The following ZMIZ2 variants were observed in gnomAD, a reference collection of about 807,000 sequenced individuals.
ZMIZ2 encodes zinc finger MIZ-type containing 2.
In ZMIZ2, 26 loss-of-function variants were observed where a neutral mutation model predicts 93.9. The observed-to-expected ratio is 0.28, with a 90% CI of 0.20 to 0.38. The LOEUF (loss-of-function observed/expected upper bound fraction) is 0.38, where lower values mean the gene tolerates loss of function less well. ZMIZ2 is among the 10% of genes least tolerant of loss of function. The pLI is 1.00. For synonymous variants in ZMIZ2, 485 were observed against 516.4 expected, an observed-to-expected ratio of 0.94 and a Z score of 0.82; for missense variants, 1,023 against 1,235.0, an observed-to-expected ratio of 0.83 and a Z score of 2.57.
intron 18 of ZMIZ2, 132 bp from the exon 19 acceptor site, chr7:44,767,384 C>T: frequency 1.2e-6 from 1 of 804,292 alleles, no homozygotes; most frequent in Non-Finnish European, 2.1e-6. Flanking sequence ...CGCACCCGGC[C>T]TGTGTGTGAG....
chr7:44,753,277 CTCTGTCATCCAGGCTAGAGT>C (rs1562721673), intron 1 of ZMIZ2, among the ~76,000 whole-genome samples: 1 of 150,570 alleles, frequency 6.6e-6, no homozygotes, highest in African/African-American at 2.4e-5. Context: ...TCATGGTTCA[CTCTGTCATCCAGGCTAGAGT>C]ACAGTGGCAT....
In ZMIZ2 at chr7:44,755,562, G is replaced by A. The variant is rs536769716; in HGVS notation, c.-62-626G>A. 5.3e-5 allele frequency among the ~76,000 whole-genome samples: 8 copies of A among 152,264 alleles called. No homozygotes were observed. The South Asian group carries it at 1.7e-3, about 32-fold the overall frequency. On this transcript the variant is annotated intron_variant, in intron 1 of 18. Transcript: ENST00000309315. ...CTGGCCCCACACCCCATTTCAGGAG[G>A]TATCCTGCATGTCCCTCCCCAAGGC... is the stretch of plus-strand genomic sequence containing the variant.
Position 44,759,363 on chromosome 7 carries a change from C to A in ZMIZ2, c.896C>A (p.Pro299His), listed in dbSNP as rs1790935058. 4 of 1,605,674 alleles carry A rather than the reference C, an allele frequency of 2.5e-6. No homozygotes were observed. The highest frequency in any genetic ancestry group is 3.4e-6 in the Non-Finnish European group (4 of 1,176,338). Residue 299 changes from proline (P) to histidine (H), a missense_variant, in exon 7 of 19, where the codon CCT becomes CAT. Coordinates refer to ENST00000309315, the MANE Select transcript of ZMIZ2 (RefSeq NM_031449.4). ...AQFAPSPGQP[P>H]APSPSYPGHR... ...TTTGCGCCCAGCCCTGGGCAGCCCC[C>A]TGCCCCCTCCCCTTCCTACCCTGGG...
chr7:44,753,401 C>T (rs916260558), intron 1 of ZMIZ2, among the ~76,000 whole-genome samples: 3 of 152,072 alleles, frequency 2.0e-5, no homozygotes, highest in East Asian at 1.9e-4. Flanking sequence ...CATGCCACCA[C>T]GCCCAGCTAA....
Position 44,765,399 on chromosome 7 carries a change from G to T in ZMIZ2, c.2062G>T (p.Asp688Tyr). ...CSWKPVPVKP[D>Y]MHIKEEPDGP... The stretch of plus-strand genomic sequence containing the variant: ...CTGGAAGCCAGTGCCCGTGAAGCCT[G>T]ACATGCACATCAAGGAGGAGCCGGA... Residue 688 changes from aspartate to tyrosine, a missense_variant, in exon 16 of 19, where the codon GAC becomes TAC. Physicochemically the swap from Asp to Tyr is radical, Grantham distance 160. Coordinates refer to ENST00000309315, the MANE Select transcript of ZMIZ2 (RefSeq NM_031449.4). The surrounding 1 kb of genome is among the most constrained non-coding windows in gnomAD (Gnocchi z 4.1). The T allele has an allele frequency of 6.2e-7, 1 of 1,613,022 alleles. No individual in the cohort carries two copies. Among genetic ancestry groups the T allele is most frequent in the African/African-American group, 1.3e-5 (1 of 75,030 alleles).
In ZMIZ2 at chr7:44,767,447, G is replaced by A. The variant is rs554756898; in HGVS notation, c.2656-69G>A. On this transcript the variant is annotated intron_variant, in intron 18 of 18. Coordinates refer to ENST00000309315, the MANE Select transcript of ZMIZ2 (RefSeq NM_031449.4). ...CCTGGAGACAGGGCCGGGATGTGGTGACAGGATGGTCACTCAGGTGTGGCC... is the reference window on the plus strand; with the variant it reads ...CCTGGAGACAGGGCCGGGATGTGGTAACAGGATGGTCACTCAGGTGTGGCC... 5.4e-6 allele frequency: 7 copies of A among 1,300,284 alleles called. No homozygotes were observed. The African/African-American group carries it at 5.8e-5, about 11-fold the overall frequency. The allele number at this position is 1,300,284 out of a possible 1,614,324, so 80.5% of individuals were successfully genotyped here.
chr7:44,769,397 G>A lies in ZMIZ2; in HGVS notation c.*1774G>A, dbSNP rs536687620. The A allele has an allele frequency of 6.5e-6, 1 of 152,924 alleles. No individual in the cohort carries two copies. The highest frequency in any genetic ancestry group is 2.1e-4 in the South Asian group (1 of 4,828). The allele number at this position is 152,924 out of a possible 1,614,324, so 9.5% of individuals were successfully genotyped here. ...TATCTGGTGTGAGCGTTGCCCCTGC[G>A]ACATTTGGGACCACACAGGTGGGCT... On this transcript the variant is annotated 3_prime_UTR_variant, in exon 19 of 19. Coordinates refer to ENST00000309315, the MANE Select transcript of ZMIZ2 (RefSeq NM_031449.4).
At position 44,763,696 on chromosome 7, in the gene ZMIZ2, G is replaced by T; in HGVS notation, c.1860+283G>T. 1 of 436,982 alleles carries T rather than the reference G, an allele frequency of 2.3e-6. No homozygotes were observed. The highest frequency in any genetic ancestry group is 4.3e-5 in the East Asian group (1 of 23,514). 27.1% of individuals were successfully genotyped at this position (436,982 alleles called of 1,614,324 possible). On this transcript the variant is annotated intron_variant, in intron 13 of 18. Coordinates refer to ENST00000309315, the MANE Select transcript of ZMIZ2 (RefSeq NM_031449.4). This position sits in a 1 kb window ranked among gnomAD's most constrained non-coding sequence, Gnocchi z 5.6. ...TAAGATTGCAGGGTCCAGTCTTCCT[G>T]CCCTACCCCCAAGGGTGACCATCGT...
chr7:44,751,139 G>C (rs1790108740), intron 1 of ZMIZ2: 1 of 152,256 alleles, frequency 6.6e-6, no homozygotes, highest in African/African-American at 2.4e-5. Context: ...GTCCACAGCA[G>C]AGAACCATCA....
At chr7:44,757,210 G>C in intron 4 of ZMIZ2, 61 bp downstream of exon 4, 1 of 1,535,454 alleles carries the variant, frequency 6.5e-7, no homozygotes, top group Non-Finnish European at 8.7e-7. Flanking sequence ...AGGCACCTCA[G>C]AACTGTGGCG....
chr7:44,762,767 T>G, intron 11 of ZMIZ2, 114 bp from the exon 12 acceptor site: 28 of 448,246 alleles, frequency 6.2e-5, no homozygotes, highest in East Asian at 1.9e-4. Flanking sequence ...GCCCTCAGCC[T>G]TGTCCCTCCC....
chr7:44,756,418 C>T lies in ZMIZ2; in HGVS notation c.51-7C>T, dbSNP rs754491963. 9.9e-6 allele frequency: 16 copies of T among 1,613,918 alleles called. No individual in the cohort carries two copies. Among genetic ancestry groups the T allele is most frequent in the Non-Finnish European group, 7.6e-6 (9 of 1,180,024 alleles). On this transcript the variant is annotated splice_polypyrimidine_tract_variant and splice_region_variant and intron_variant, in intron 2 of 18. Transcript: ENST00000309315. ...GACCCAGGCCTCAGCAGCCTCTTTCCCTGCAGTGATGGTTCATTCGCATAT... is the reference window on the plus strand; with the variant it reads ...GACCCAGGCCTCAGCAGCCTCTTTCTCTGCAGTGATGGTTCATTCGCATAT...
chr7:44,766,153 T>TC lies in ZMIZ2; in HGVS notation c.2243-9dup. On this transcript the variant is annotated splice_polypyrimidine_tract_variant and intron_variant, in intron 16 of 18. Coordinates refer to ENST00000309315, the MANE Select transcript of ZMIZ2 (RefSeq NM_031449.4). The surrounding 1 kb of genome is among the most constrained non-coding windows in gnomAD (Gnocchi z 4.4). Reference sequence around the variant, plus strand: ...CCAGCCCTCACCCAGGCCCCGACTCTCCTCTCACAGGTTCCAGCTTCCTGG... The same window carrying TC: ...CCAGCCCTCACCCAGGCCCCGACTCTCCCTCTCACAGGTTCCAGCTTCCTGG... The TC allele has an allele frequency of 6.2e-7, 1 of 1,608,338 alleles. No homozygotes were observed. The highest frequency in any genetic ancestry group is 8.5e-7 in the Non-Finnish European group (1 of 1,178,036).
chr7:44,767,910 T>A lies in ZMIZ2; in HGVS notation c.*287T>A. The stretch of plus-strand genomic sequence containing the variant: ...CCCTGCCCAGCCCTGTCCAGCCTTG[T>A]CCACACACACATCTCACGCCCCTGG... On this transcript the variant is annotated 3_prime_UTR_variant, in exon 19 of 19. Coordinates refer to ENST00000309315, the MANE Select transcript of ZMIZ2 (RefSeq NM_031449.4). The A allele has an allele frequency of 2.0e-6, 1 of 501,592 alleles. No homozygotes were observed. Among genetic ancestry groups the A allele is most frequent in the Non-Finnish European group, 3.7e-6 (1 of 273,456 alleles). 31.1% of individuals were successfully genotyped at this position (501,592 alleles called of 1,614,324 possible).
Position 44,764,495 on chromosome 7 carries a change from C to T in ZMIZ2, c.1928+9C>T. The T allele has an allele frequency of 6.2e-7, 1 of 1,614,022 alleles. No homozygotes were observed. The highest frequency in any genetic ancestry group is 8.5e-7 in the Non-Finnish European group (1 of 1,179,944). On this transcript the variant is annotated intron_variant, in intron 14 of 18. Transcript: ENST00000309315. Reference sequence around the variant, plus strand: ...AGGTGTCCTGTGTGCAAGTGAGTCTCAGATGCAGCGTGTGATGGAGGAGGG... The same window carrying T: ...AGGTGTCCTGTGTGCAAGTGAGTCTTAGATGCAGCGTGTGATGGAGGAGGG...
In ZMIZ2 at chr7:44,766,445, C is replaced by T. The variant is rs773513282; in HGVS notation, c.2437C>T (p.Pro813Ser). Reference protein sequence around the residue: ...SQMAPAGHLDPTHNPGTPGLH... With the variant: ...SQMAPAGHLDSTHNPGTPGLH... ...GATGGCACCAGCAGGTCACCTGGAC[C>T]CCACTCACAATCCTGGGACACCAGG... is the stretch of plus-strand genomic sequence containing the variant. The change falls in exon 18 of 19, where the codon CCC becomes TCC. Residue 813 changes from proline (P) to serine (S), a missense_variant. Transcript: ENST00000309315. This position sits in a 1 kb window ranked among gnomAD's most constrained non-coding sequence, Gnocchi z 4.4. 1.2e-5 allele frequency: 19 copies of T among 1,614,030 alleles called. No homozygotes were observed. Among genetic ancestry groups the T allele is most frequent in the Middle Eastern group, 1.6e-4 (1 of 6,084 alleles).
chr7:44,766,620 C>T lies in ZMIZ2; in HGVS notation c.2612C>T (p.Pro871Leu), dbSNP rs1448020358. 6.2e-7 allele frequency: 1 copy of T among 1,613,360 alleles called. No homozygotes were observed. Residue 871 changes from proline (P) to leucine (L), a missense_variant, in exon 18 of 19, where the codon CCC (proline) becomes CTC (leucine). Pro to Leu is a moderately conservative substitution (Grantham distance 98). Around this residue, in one of 3 missense-constraint regions of ZMIZ2, gnomAD observed 319 missense variants for 358.8 expected, o/e 0.89. Transcript: ENST00000309315. This position sits in a 1 kb window ranked among gnomAD's most constrained non-coding sequence, Gnocchi z 4.4. Reference protein sequence around the residue: ...FSPATGVMGPPSMSGAGEAPE... With the variant: ...FSPATGVMGPLSMSGAGEAPE... ...CCTGCCACAGGCGTGATGGGGCCCCCCAGCATGTCTGGAGCCGGGGAGGCC... is the reference window on the plus strand; with the variant it reads ...CCTGCCACAGGCGTGATGGGGCCCCTCAGCATGTCTGGAGCCGGGGAGGCC...
chr7:44,749,284 T>C (rs1789922455), intron 1 of ZMIZ2, among the ~76,000 whole-genome samples: 1 of 152,124 alleles, frequency 6.6e-6, no homozygotes, highest in South Asian at 2.1e-4. Context: ...TGAGTCTTTG[T>C]TGGAGGCTGG....
In ZMIZ2 at chr7:44,764,440, C is replaced by G. The variant is rs774615819; in HGVS notation, c.1882C>G (p.Leu628Val). The change falls in exon 14 of 19, where the codon CTG becomes GTG. Residue 628 changes from leucine to valine, a missense_variant. Physicochemically the swap from Leu to Val is conservative, Grantham distance 32. This residue lies in a region of ZMIZ2 where 48 missense variants were observed against 99.1 expected (regional missense o/e 0.48). Coordinates refer to ENST00000309315, the MANE Select transcript of ZMIZ2 (RefSeq NM_031449.4). ...ACAGTGCTTTGACCTGGAGTCGTAC[C>G]TGCAGCTCAACTGTGAGCGGGGGAC... is the stretch of plus-strand genomic sequence containing the variant. ...HIQCFDLESY[L>V]QLNCERGTWR... 1.9e-6 allele frequency: 3 copies of G among 1,614,184 alleles called. No individual in the cohort carries two copies. In the Admixed American group the frequency reaches 5.0e-5, roughly 27 times the overall value.
Sources: gnomAD v4.1 joint callset for allele counts (sites outside exome capture counted in the v4.1 genomes callset) on GRCh38, gnomAD v4.1.1 for gene constraint, gnomAD v4.1.1 regional missense constraint, Gnocchi (gnomAD v3.1) non-coding constraint, MANE v1.5 for transcripts, NCBI Gene and HGNC (gene_info 2026-07-23, HGNC 2026-07-21) for gene names.